TRAK1: variants seen among roughly 807,000 people sequenced by gnomAD.
TRAK1 encodes the protein trafficking kinesin protein 1.
Under a neutral mutation model 92.1 loss-of-function variants are expected in TRAK1, and 33 were observed. The observed-to-expected ratio is 0.36, with a 90% CI of 0.27 to 0.48. TRAK1 has a LOEUF of 0.48. Ranked by LOEUF, TRAK1 falls within the 20% of genes least tolerant of loss-of-function variation. The pLI, the probability that TRAK1 is intolerant of heterozygous loss-of-function variation, is 0.99. For missense variants in TRAK1, 1,123 were observed against 1,257.9 expected (o/e 0.89, Z 1.62); for synonymous variants, 521 against 517.3 (o/e 1.01, Z -0.10).
intron 2 of TRAK1, chr3:42,160,415 G>T (rs1214092124): frequency 6.2e-7 from 1 of 1,614,244 alleles, no homozygotes; most frequent in South Asian, 1.1e-5. Context: ...ACGACTGCCA[G>T]GATGAAGAGA....
chr3:42,175,543 C>A (rs948118956), intron 2 of TRAK1, among the ~76,000 whole-genome samples: 12 of 152,154 alleles, frequency 7.9e-5, no homozygotes. Context: ...GTCTTGTCTG[C>A]TGGCTCTGGT....
intron 14 of TRAK1, chr3:42,212,273 A>G (rs1709145563): frequency 2.0e-6 from 2 of 985,404 alleles, no homozygotes; most frequent in Non-Finnish European, 2.4e-6. Flanking sequence ...TCCGTCCTCT[A>G]CGCTTGGGCT....
In TRAK1 at chr3:42,182,379, G is replaced by A. The variant is rs188127328; in HGVS notation, c.364-2306G>A. ...TAGTGCAGTGGGGTGAGTGAGCCCC[G>A]CCTCCTGGGTTCAAGTGATTCTCCT... is the stretch of plus-strand genomic sequence containing the variant. On this transcript the variant is annotated intron_variant, in intron 3 of 15. Coordinates refer to ENST00000327628, the MANE Select transcript of TRAK1 (RefSeq NM_001042646.3). Among the ~76,000 whole-genome samples, 498 of 150,556 alleles carry A rather than the reference G, an allele frequency of 3.3e-3. 2 individuals are homozygous for A. The highest frequency in any genetic ancestry group is 5.8e-3 in the Non-Finnish European group (390 of 67,726).
chr3:42,115,394 A>C (rs4246669), intron 1 of TRAK1, among the ~76,000 whole-genome samples: 74,510 of 151,920 alleles, frequency 0.49, 18,423 homozygotes, highest in South Asian at 0.6. Context: ...CGCCACATTC[A>C]GTTGCCCTTT....
chr3:42,020,038 AG>A (rs1701670105), intron 1 of TRAK1, among the ~76,000 whole-genome samples: 1 of 152,212 alleles, frequency 6.6e-6, no homozygotes. Context: ...TTCATGCCAA[AG>A]GGACTGACGG....
intron 2 of TRAK1, among the ~76,000 whole-genome samples, chr3:42,164,304 T>C (rs1701620933): frequency 6.6e-6 from 1 of 152,234 alleles, no homozygotes; most frequent in Non-Finnish European, 1.5e-5. Flanking sequence ...TAAGATACAA[T>C]TAGTATTTCA....
chr3:42,073,643 G>A (rs1576243716), intron 1 of TRAK1, among the ~76,000 whole-genome samples: 2 of 152,178 alleles, frequency 1.3e-5, no homozygotes, highest in South Asian at 4.1e-4. Flanking sequence ...ACGGCTTCTT[G>A]ACAGCCTTGC....
At chr3:42,074,692 T>TC (rs1553708780) in intron 1 of TRAK1, among the ~76,000 whole-genome samples, 19 of 151,396 alleles carry the variant, frequency 1.3e-4, no homozygotes, top group South Asian at 6.3e-4. Context: ...TTTTTTTTTT[T>TC]CCCAACTTTT....
intron 1 of TRAK1, among the ~76,000 whole-genome samples, chr3:42,073,138 G>A (rs754338469): frequency 1.1e-4 from 16 of 152,192 alleles, no homozygotes; most frequent in African/African-American, 1.7e-4. Context: ...AACAGGGGCT[G>A]CCTGGGGCCC....
intron 2 of TRAK1, among the ~76,000 whole-genome samples, chr3:42,150,452 A>C (rs1457243716): frequency 1.3e-5 from 2 of 152,132 alleles, no homozygotes; most frequent in Non-Finnish European, 1.5e-5. Flanking sequence ...CCCTCATATC[A>C]CATGCCTTCA....
At chr3:42,072,530 T>A (rs959651867) in intron 1 of TRAK1, among the ~76,000 whole-genome samples, 1 of 151,562 alleles carries the variant, frequency 6.6e-6, no homozygotes, top group Non-Finnish European at 1.5e-5. Flanking sequence ...TGCAGACCGT[T>A]ATGTAAGGCT....
Position 42,202,378 on chromosome 3 carries a change from C to A in TRAK1, c.1428-58C>A. 1.4e-6 allele frequency: 2 copies of A among 1,438,876 alleles called. No homozygotes were observed. Among genetic ancestry groups the A allele is most frequent in the Non-Finnish European group, 1.8e-6 (2 of 1,089,612 alleles). 89.1% of individuals were successfully genotyped at this position (1,438,876 alleles called of 1,614,324 possible). A position where few individuals can be genotyped will look rare whatever the true frequency, so the allele number is the denominator to read the frequency against. On this transcript the variant is annotated intron_variant, in intron 12 of 15. Coordinates refer to ENST00000327628, the MANE Select transcript of TRAK1 (RefSeq NM_001042646.3). This position sits in a 1 kb window ranked among gnomAD's most constrained non-coding sequence, Gnocchi z 6.1. ...CACCGCTGTGCATTGAGCAGTCGGG[C>A]CTCTGTGGCCTTGGAGCCCTGCTGG...
chr3:42,223,207 A>T lies in TRAK1; in HGVS notation c.2332A>T (p.Ile778Phe). The T allele has an allele frequency of 2.5e-6, 4 of 1,614,038 alleles. No homozygotes were observed. Residue 778 changes from isoleucine to phenylalanine, a missense_variant, in exon 16 of 16, where the codon ATC (isoleucine) becomes TTC (phenylalanine). By Grantham distance (21) the Ile-to-Phe change is conservative (BLOSUM62 0). This residue lies in a region of TRAK1 where 401 missense variants were observed against 438.9 expected (regional missense o/e 0.91). Transcript: ENST00000327628. The surrounding 1 kb of genome is among the most constrained non-coding windows in gnomAD (Gnocchi z 6.1). Reference sequence around the variant, plus strand: ...CTCCTACACGCCCAAGATGGCTGTGATCCCCTCTACTCCGCCGAACTCGCC... The same window carrying T: ...CTCCTACACGCCCAAGATGGCTGTGTTCCCCTCTACTCCGCCGAACTCGCC... The part of the protein sequence containing the change: ...LHSYTPKMAV[I>F]PSTPPNSPMQ...
intron 1 of TRAK1, among the ~76,000 whole-genome samples, chr3:42,017,136 G>A (rs794891): frequency 1.3e-5 from 2 of 152,132 alleles, no homozygotes; most frequent in African/African-American, 4.8e-5. Context: ...CAGCATGCGT[G>A]TGTAATCCCA....
intron 1 of TRAK1, among the ~76,000 whole-genome samples, chr3:42,106,580 A>G (rs80314177): frequency 1.3e-5 from 2 of 152,242 alleles, no homozygotes; most frequent in Non-Finnish European, 2.9e-5. Context: ...AGTCTTGTGT[A>G]TAGTGACTCT....
intron 2 of TRAK1, chr3:42,149,289 T>C: frequency 7.2e-7 from 1 of 1,397,040 alleles, no homozygotes; most frequent in Non-Finnish European, 9.3e-7. Flanking sequence ...GGGTCTCCGT[T>C]AGCTCTCTGC....
intron 1 of TRAK1, among the ~76,000 whole-genome samples, chr3:42,081,103 C>A (rs1704413347): frequency 6.6e-6 from 1 of 152,160 alleles, no homozygotes; most frequent in Non-Finnish European, 1.5e-5. Flanking sequence ...TCTTGAACTC[C>A]TGGGCTCAGG....
intron 2 of TRAK1, among the ~76,000 whole-genome samples, chr3:42,164,707 T>G (rs936258916): frequency 6.6e-6 from 1 of 152,220 alleles, no homozygotes; most frequent in African/African-American, 2.4e-5. Flanking sequence ...ATCCAGGCCC[T>G]GGGTCTTCTG....
At chr3:42,056,544 A>G (rs1703213020) in intron 1 of TRAK1, among the ~76,000 whole-genome samples, 1 of 152,218 alleles carries the variant, frequency 6.6e-6, no homozygotes, top group African/African-American at 2.4e-5. Flanking sequence ...AATATTTTAT[A>G]TAATTGATTT....
Sources: allele counts gnomAD v4.1 joint callset (sites outside exome capture counted in the v4.1 genomes callset), GRCh38; gene constraint gnomAD v4.1.1; regional missense constraint gnomAD v4.1.1; non-coding constraint Gnocchi (gnomAD v3.1); transcripts MANE v1.5; gene names NCBI Gene and HGNC (gene_info 2026-07-23, HGNC 2026-07-21).